The following RICTOR variants were observed in gnomAD, a reference collection of about 807,000 sequenced individuals.
The protein encoded by RICTOR is rapamycin-insensitive companion of mTOR.
In RICTOR, 49 loss-of-function variants were observed where a neutral mutation model predicts 214.9. The ratio of observed to expected loss-of-function variants is 0.23; its 90% CI spans 0.18 to 0.29. The LOEUF (loss-of-function observed/expected upper bound fraction) is 0.29. Ranked by LOEUF, RICTOR falls within the 10% of genes least tolerant of loss-of-function variation. RICTOR has a pLI of 1.00. For missense variants in RICTOR, 1,625 were observed against 2,047.0 expected, an observed-to-expected ratio of 0.79 and a Z score of 3.98; for synonymous variants, 717 against 711.3, an observed-to-expected ratio of 1.01 and a Z score of -0.13.
At chr5:39,014,300 C>T (rs1754772114) in intron 3 of RICTOR, among the ~76,000 whole-genome samples, 1 of 152,012 alleles carries the variant, frequency 6.6e-6, no homozygotes, top group Non-Finnish European at 1.5e-5. Flanking sequence ...TTATTTTGCT[C>T]ATTTAAATCT....
In RICTOR at chr5:38,962,918, C is replaced by T. The variant is rs2150023944; in HGVS notation, c.1524G>A (p.Arg508=). ...IQKAIATHQK[R]DQYLRVQKDI... is the part of the protein sequence containing the mutation. ...CTTTCTGAACTCGGAGATACTGATC[C>T]CGTTTCTGGTGTGTTGCAATTGCTT... Residue 508 remains arginine, a synonymous_variant, in exon 17 of 38, where the codon CGG becomes CGA. Coordinates refer to ENST00000357387, the MANE Select transcript of RICTOR (RefSeq NM_152756.5). The T allele has an allele frequency of 6.2e-7, 1 of 1,612,854 alleles. No individual in the cohort carries two copies. The highest frequency in any genetic ancestry group is 8.5e-7 in the Non-Finnish European group (1 of 1,179,082).
At chr5:39,052,851 A>G (rs1416726868) in intron 2 of RICTOR, among the ~76,000 whole-genome samples, 1 of 152,146 alleles carries the variant, frequency 6.6e-6, no homozygotes, top group Non-Finnish European at 1.5e-5. Flanking sequence ...CTTGGCTTCT[A>G]TTTTACGATT....
At chr5:39,067,233 C>A (rs1758969463) in intron 2 of RICTOR, among the ~76,000 whole-genome samples, 2 of 152,104 alleles carry the variant, frequency 1.3e-5, no homozygotes, top group Admixed American at 6.5e-5. Flanking sequence ...TGTTTCTGCT[C>A]AAGATGGAAG....
chr5:39,041,269 T>C (rs1757146826), intron 2 of RICTOR, among the ~76,000 whole-genome samples: 2 of 152,204 alleles, frequency 1.3e-5, no homozygotes, highest in South Asian at 4.1e-4. Flanking sequence ...ACAAGGTACT[T>C]TTCTCAATGA....
At chr5:39,057,333 C>T (rs1408105932) in intron 2 of RICTOR, among the ~76,000 whole-genome samples, 3 of 152,090 alleles carry the variant, frequency 2.0e-5, no homozygotes, top group African/African-American at 7.2e-5. Flanking sequence ...AAGAAGAATG[C>T]TTAAAAGAAA....
intron 2 of RICTOR, among the ~76,000 whole-genome samples, chr5:39,027,511 A>C (rs980668720): frequency 2.0e-5 from 3 of 152,164 alleles, no homozygotes; most frequent in African/African-American, 7.2e-5. Context: ...TGTAAGTGTA[A>C]TGTGTTTTAT....
chr5:39,056,307 C>A (rs1758201601), intron 2 of RICTOR, among the ~76,000 whole-genome samples: 1 of 152,132 alleles, frequency 6.6e-6, no homozygotes, highest in Admixed American at 6.5e-5. Flanking sequence ...GAAATATATA[C>A]CGTAATATCA....
At chr5:38,960,143 T>C (rs1033215949) in intron 20 of RICTOR, among the ~76,000 whole-genome samples, 165 bp from the exon 21 acceptor site, 1 of 152,172 alleles carries the variant, frequency 6.6e-6, no homozygotes, top group African/African-American at 2.4e-5. Context: ...AACACAATGC[T>C]GCATGGAGAT....
At chr5:38,991,870 TAGC>T (rs1257343240) in intron 6 of RICTOR, among the ~76,000 whole-genome samples, 2 of 152,128 alleles carry the variant, frequency 1.3e-5, no homozygotes, top group African/African-American at 2.4e-5. Flanking sequence ...TAATTCAAAA[TAGC>T]AGGTTACTGG....
At chr5:39,001,710 C>T (rs574872382) in intron 5 of RICTOR, among the ~76,000 whole-genome samples, 3 of 152,086 alleles carry the variant, frequency 2.0e-5, no homozygotes, top group Non-Finnish European at 2.9e-5. Context: ...ATCCAATTTA[C>T]AAATGAGCAA....
chr5:38,977,575 C>T (rs1374342829), intron 9 of RICTOR, among the ~76,000 whole-genome samples: 1 of 146,624 alleles, frequency 6.8e-6, no homozygotes, highest in Non-Finnish European at 1.5e-5. Context: ...ATGGATGTGA[C>T]TGAAGGTATG....
intron 5 of RICTOR, among the ~76,000 whole-genome samples, chr5:38,999,585 A>G (rs1753457228): frequency 6.6e-6 from 1 of 152,120 alleles, no homozygotes; most frequent in Non-Finnish European, 1.5e-5. Flanking sequence ...CCAAGACACG[A>G]AAAGAGGAAA....
chr5:39,028,575 A>T (rs1173600202), intron 2 of RICTOR, among the ~76,000 whole-genome samples: 1 of 152,192 alleles, frequency 6.6e-6, no homozygotes, highest in Non-Finnish European at 1.5e-5. Flanking sequence ...ATGATTCTGT[A>T]ATTTCACTCT....
intron 2 of RICTOR, among the ~76,000 whole-genome samples, chr5:39,031,616 T>A (rs948847841): frequency 3.3e-5 from 5 of 152,200 alleles, no homozygotes; most frequent in African/African-American, 1.2e-4. Context: ...TATCATTTTA[T>A]CTACCTTCCT....
intron 35 of RICTOR, 40 bp downstream of exon 35, chr5:38,944,873 G>A (rs1217762537): frequency 1.3e-6 from 2 of 1,582,048 alleles, no homozygotes; most frequent in African/African-American, 1.3e-5. Flanking sequence ...AATCAGAACA[G>A]TTTTACTAAT....
intron 3 of RICTOR, among the ~76,000 whole-genome samples, chr5:39,003,869 T>C (rs1753829005): frequency 6.6e-6 from 1 of 152,182 alleles, no homozygotes; most frequent in South Asian, 2.1e-4. Context: ...TATTATTCCA[T>C]TTTCCTTCTC....
rs1561444608 is a variant in RICTOR at position 38,950,028 on chromosome 5, ACTG to A, written c.3817_3819del (p.Gln1273del). On this transcript the variant is annotated inframe_deletion, in exon 31 of 38. Coordinates refer to ENST00000357387, the MANE Select transcript of RICTOR (RefSeq NM_152756.5). Reference sequence around the variant, plus strand: ...GATTTGGAGAGAGACAGATGGTTAGACTGTGGCGTCAAATAGTGGCTTGTCTTA... The same window carrying A: ...GATTTGGAGAGAGACAGATGGTTAGATGGCGTCAAATAGTGGCTTGTCTTA... The A allele has an allele frequency of 5.6e-6, 9 of 1,613,432 alleles. No individual in the cohort carries two copies. Among genetic ancestry groups the A allele is most frequent in the Non-Finnish European group, 7.6e-6 (9 of 1,179,586 alleles).
At position 38,976,075 on chromosome 5, in the gene RICTOR, C is replaced by T. The variant is rs117807732; in HGVS notation, c.822-471G>A. On this transcript the variant is annotated intron_variant, in intron 9 of 37. Transcript: ENST00000357387. ...TCACTGAAATGTTATGAAATAACTA[C>T]ATATTAACATCACCAGCTACTTTCT... is the stretch of plus-strand genomic sequence containing the variant. 6.9e-3 allele frequency among the ~76,000 whole-genome samples: 1,052 copies of T among 152,306 alleles called. 53 individuals carry two copies. In the East Asian group the frequency reaches 0.12, roughly 18 times the overall value.
chr5:38,990,266 G>T (rs775587349), intron 7 of RICTOR, among the ~76,000 whole-genome samples: 1 of 151,842 alleles, frequency 6.6e-6, no homozygotes, highest in Non-Finnish European at 1.5e-5. Context: ...ACTGCATGTT[G>T]TCACTCATAA....
Sources: allele counts gnomAD v4.1 joint callset (sites outside exome capture counted in the v4.1 genomes callset), GRCh38; gene constraint gnomAD v4.1.1; transcripts MANE v1.5; gene names NCBI Gene and HGNC (gene_info 2026-07-23, HGNC 2026-07-21).